Variants in PHIP observed in about 807,000 individuals in gnomAD.
PHIP encodes the protein PHIP subunit of CUL4-Ring ligase complex, also known as PH-interacting protein.
PHIP carries 54 observed loss-of-function variants against 236.8 expected under a neutral mutation model. The ratio of observed to expected loss-of-function variants is 0.23; its 90% CI spans 0.18 to 0.29. The LOEUF (loss-of-function observed/expected upper bound fraction) is 0.29, where lower values mean the gene tolerates loss of function less well. PHIP is among the 10% of genes least tolerant of loss of function. The pLI, the probability that PHIP is intolerant of heterozygous loss-of-function variation, is 1.00. For missense variants in PHIP, 1,370 were observed against 2,190.8 expected (o/e 0.63, Z 7.48); for synonymous variants, 756 against 718.9 (o/e 1.05, Z -0.83).
At chr6:79,026,980 C>A (rs1771437862) in intron 7 of PHIP, among the ~76,000 whole-genome samples, 1 of 151,918 alleles carries the variant, frequency 6.6e-6, no homozygotes, top group Non-Finnish European at 1.5e-5. Context: ...AAAGAGAAAA[C>A]ACACACTTTT....
At chr6:79,067,245 C>T (rs1208490147) in intron 4 of PHIP, among the ~76,000 whole-genome samples, 2 of 152,094 alleles carry the variant, frequency 1.3e-5, no homozygotes, top group Non-Finnish European at 2.9e-5. Context: ...CAAGAATGGG[C>T]CCTATGGATG....
intron 23 of PHIP, among the ~76,000 whole-genome samples, chr6:78,980,708 C>T (rs2127716898): frequency 6.6e-6 from 1 of 152,074 alleles, no homozygotes. Context: ...ACAGAGATCC[C>T]ACAACCCAGG....
At chr6:79,030,425 C>T (rs550709356) in intron 7 of PHIP, among the ~76,000 whole-genome samples, 27 of 152,042 alleles carry the variant, frequency 1.8e-4, no homozygotes, top group Non-Finnish European at 3.5e-4. Context: ...GATTGCTGCT[C>T]GGGCTAGGAA....
chr6:79,077,992 G>A, intron 1 of PHIP, 37 bp downstream of exon 1: 1 of 1,605,016 alleles, frequency 6.2e-7, no homozygotes, highest in Non-Finnish European at 8.5e-7. Flanking sequence ...GGGCGGAATC[G>A]CCCGGTGCCA....
At chr6:78,959,964 C>T (rs1766670096) in intron 31 of PHIP, among the ~76,000 whole-genome samples, 1 of 152,096 alleles carries the variant, frequency 6.6e-6, no homozygotes, top group African/African-American at 2.4e-5. Context: ...GGTTGGGCAA[C>T]ATCATATGGC....
rs1414532205 is a variant in PHIP, at chr6:78,946,712, T to C, written c.4369A>G (p.Ser1457Gly). The change falls in exon 37 of 40, where the codon AGC (serine) becomes GGC (glycine). Residue 1457 changes from serine to glycine, a missense_variant and splice_region_variant. Around this residue, in one of 14 missense-constraint regions of PHIP, gnomAD observed 125 missense variants for 235.1 expected, o/e 0.53. Transcript: ENST00000275034. ...SSSVSSSAAS[S>G]PERKKRILKP... is the part of the protein sequence containing the mutation. The stretch of plus-strand genomic sequence containing the variant: ...TGGTATTTAAAAGAAATTAAATACC[T>C]TGATGCAGCACTACTGGAAACAGAG... 2 of 1,553,410 alleles carry C rather than the reference T, an allele frequency of 1.3e-6. No individual in the cohort carries two copies. The highest frequency in any genetic ancestry group is 1.7e-6 in the Non-Finnish European group (2 of 1,159,950).
chr6:79,001,267 G>GA (rs900826345), intron 17 of PHIP, among the ~76,000 whole-genome samples: 1 of 151,974 alleles, frequency 6.6e-6, no homozygotes, highest in African/African-American at 2.4e-5. Context: ...TGTAGACTTT[G>GA]ACTCCATTTT....
At chr6:78,941,858 A>C (rs978328945) in intron 39 of PHIP, among the ~76,000 whole-genome samples, 6 of 152,206 alleles carry the variant, frequency 3.9e-5, no homozygotes, top group Non-Finnish European at 8.8e-5. Flanking sequence ...CCACTGTAAC[A>C]AACTCCATGA....
In PHIP at chr6:79,024,611, T is replaced by C. The variant is rs1003551414; in HGVS notation, c.923+908A>G. Among the ~76,000 whole-genome samples the C allele has an allele frequency of 1.1e-4, 16 of 152,122 alleles. No homozygotes were observed. The South Asian group carries it at 1.2e-3, about 12-fold the overall frequency. On this transcript the variant is annotated intron_variant, in intron 9 of 39. Transcript: ENST00000275034. ...CGAGGTCAGGAGATGGAGACCATCC[T>C]GGCTAACACGGTGAAACCCTGTCTC...
At chr6:78,981,325 T>G (rs1164200756) in intron 23 of PHIP, among the ~76,000 whole-genome samples, 2 of 152,024 alleles carry the variant, frequency 1.3e-5, no homozygotes, top group African/African-American at 4.8e-5. Context: ...TATGTTTATT[T>G]GAGATAACTA....
chr6:79,038,921 T>C (rs1049553052), intron 7 of PHIP, among the ~76,000 whole-genome samples: 5 of 152,154 alleles, frequency 3.3e-5, no homozygotes, highest in Admixed American at 2.6e-4. Context: ...TGAAAAAATA[T>C]GTCATCCTAT....
Position 78,970,782 on chromosome 6 carries a change from C to T in PHIP, c.2996G>A (p.Arg999Gln), listed in dbSNP as rs1483001132. ...KKQPWHKMEL[R>Q]EQELMKIVGI... is the part of the protein sequence containing the mutation. ...TTAAATAATAAATCAATGTCATACC[C>T]GTAGCTCCATTTTATGCCATGGTTG... Residue 999 changes from arginine to glutamine, a missense_variant and splice_region_variant, in exon 25 of 40, where the codon CGG becomes CAG. By Grantham distance (43) the Arg-to-Gln change is conservative. This residue lies in a region of PHIP where 238 missense variants were observed against 398.5 expected (regional missense o/e 0.60). Transcript: ENST00000275034. 6.3e-7 allele frequency: 1 copy of T among 1,581,394 alleles called. No homozygotes were observed. The highest frequency in any genetic ancestry group is 8.6e-7 in the Non-Finnish European group (1 of 1,156,146).
At chr6:79,046,315 C>T (rs1689734057) in intron 6 of PHIP, among the ~76,000 whole-genome samples, 1 of 152,152 alleles carries the variant, frequency 6.6e-6, no homozygotes, top group Non-Finnish European at 1.5e-5. Flanking sequence ...TGAATAAAGC[C>T]TAACCTAACC....
intron 7 of PHIP, among the ~76,000 whole-genome samples, chr6:79,042,346 A>C (rs115184302): frequency 0.01 from 1,545 of 152,186 alleles, 16 homozygotes; most frequent in African/African-American, 0.031. Context: ...AATAACAGGT[A>C]ATAAGAGTAT....
At chr6:78,965,496 A>G (rs964084944) in intron 29 of PHIP, among the ~76,000 whole-genome samples, 48 of 152,202 alleles carry the variant, frequency 3.2e-4, no homozygotes, top group African/African-American at 2.4e-5. Flanking sequence ...ATTAATTTCA[A>G]TCAATTCCAA....
At chr6:79,020,162 CTTT>C (rs542749965) in intron 9 of PHIP, among the ~76,000 whole-genome samples, 171 of 150,936 alleles carry the variant, frequency 1.1e-3, no homozygotes, top group African/African-American at 3.9e-3. Flanking sequence ...GCGGTTTTGC[CTTT>C]TTTTTAAAAA....
chr6:79,003,498 A>T (rs184165531), intron 16 of PHIP, among the ~76,000 whole-genome samples: 135 of 152,070 alleles, frequency 8.9e-4, no homozygotes, highest in Middle Eastern at 3.4e-3. Context: ...GCTAAGAGTT[A>T]TTTTTTTCCT....
chr6:79,025,638 AAAAAAAATC>A lies in PHIP; in HGVS notation c.823-28_823-20del, dbSNP rs1187087082. The A allele has an allele frequency of 1.4e-6, 2 of 1,469,540 alleles. No homozygotes were observed. Among genetic ancestry groups the A allele is most frequent in the Admixed American group, 1.8e-5 (1 of 54,800 alleles). 91.0% of individuals were successfully genotyped at this position (1,469,540 alleles called of 1,614,324 possible). A position where few individuals can be genotyped will look rare whatever the true frequency, so the allele number is the denominator to read the frequency against. ...GTGAGAACTGAAAAGACAATCACAG[AAAAAAAATC>A]TTTACAAGAGTGACACAGTCAAAAT... On this transcript the variant is annotated intron_variant, in intron 8 of 39. Transcript: ENST00000275034.
intron 25 of PHIP, 72 bp downstream of exon 25, chr6:78,970,709 C>T (rs1767476252): frequency 1.0e-5 from 10 of 954,850 alleles, no homozygotes; most frequent in African/African-American, 1.6e-5. Context: ...TTAATAGTAA[C>T]CTTTGATACA....
Sources: gnomAD v4.1 joint callset for allele counts (sites outside exome capture counted in the v4.1 genomes callset) on GRCh38, gnomAD v4.1.1 for gene constraint, gnomAD v4.1.1 regional missense constraint, MANE v1.5 for transcripts, NCBI Gene and HGNC (gene_info 2026-07-23, HGNC 2026-07-21) for gene names.